NRXN1: variants seen among roughly 807,000 people sequenced by gnomAD.
NRXN1 encodes the protein neurexin 1, also known as neurexin-1.
NRXN1 carries 39 observed loss-of-function variants against 150.9 expected under a neutral mutation model. The observed-to-expected ratio is 0.26, with a 90% CI of 0.20 to 0.34. The LOEUF (loss-of-function observed/expected upper bound fraction) is 0.34, where lower values mean the gene tolerates loss of function less well. NRXN1 is among the 10% of genes least tolerant of loss of function. The probability of loss-of-function intolerance (pLI) is 1.00; values close to 1 mark genes in which losing one functional copy is unlikely to be tolerated. For missense variants in NRXN1, 1,815 were observed against 1,949.9 expected (o/e 0.93, Z 1.30); for synonymous variants, 924 against 757.0 (o/e 1.22, Z -3.62).
Position 50,978,271 on chromosome 2 carries a change from C to CATATATATATATATATATATATAT in NRXN1, c.772+49207_772+49230dup, listed in dbSNP as rs10671122. Among the ~76,000 whole-genome samples the CATATATATATATATATATATATAT allele has an allele frequency of 2.6e-4, 25 of 95,020 alleles. 1 individual carries two copies. The highest frequency in any genetic ancestry group is 4.1e-4 in the Non-Finnish European group (18 of 44,054). 62.3% of individuals were successfully genotyped at this position (95,020 alleles called of 152,430 possible). A position where few individuals can be genotyped will look rare whatever the true frequency, so the allele number is the denominator to read the frequency against. ...CCATACTCTGAATATGGATATTATA[C>CATATATATATATATATATATATAT]ATATATATATATATATATATATATA... On this transcript the variant is annotated intron_variant, in intron 2 of 22. Coordinates refer to ENST00000401669, the MANE Select transcript of NRXN1 (RefSeq NM_001330078.2).
intron 2 of NRXN1, among the ~76,000 whole-genome samples, chr2:50,962,880 T>C (rs751462072): frequency 2.6e-5 from 4 of 151,570 alleles, no homozygotes; most frequent in Non-Finnish European, 5.9e-5. Context: ...ACTGAATATG[T>C]TCCACATGTT....
At chr2:49,924,519 G>T (rs1668752237) in intron 22 of NRXN1, among the ~76,000 whole-genome samples, 1 of 152,082 alleles carries the variant, frequency 6.6e-6, no homozygotes, top group African/African-American at 2.4e-5. Flanking sequence ...TATGCACATA[G>T]CATGATAACA....
intron 5 of NRXN1, among the ~76,000 whole-genome samples, chr2:50,873,437 A>G (rs913064619): frequency 6.6e-6 from 1 of 151,870 alleles, no homozygotes; most frequent in African/African-American, 2.4e-5. Context: ...CAATATAATA[A>G]TAGCATTTCT....
At chr2:50,328,078 A>C (rs930225517) in intron 17 of NRXN1, among the ~76,000 whole-genome samples, 1 of 152,218 alleles carries the variant, frequency 6.6e-6, no homozygotes, top group Admixed American at 6.5e-5. Flanking sequence ...AATACAACAG[A>C]GAGCATCTTG....
intron 18 of NRXN1, among the ~76,000 whole-genome samples, chr2:50,200,693 T>A (rs1251498411): frequency 6.6e-6 from 1 of 152,136 alleles, no homozygotes; most frequent in East Asian, 1.9e-4. Context: ...TCTAGACTGT[T>A]TCTGCAAGAA....
At chr2:50,171,800 G>T (rs367933160) in intron 18 of NRXN1, among the ~76,000 whole-genome samples, 5 of 152,154 alleles carry the variant, frequency 3.3e-5, no homozygotes, top group Admixed American at 3.3e-4. Context: ...TGACATACCC[G>T]CCTGAAGGAA....
intron 10 of NRXN1, among the ~76,000 whole-genome samples, chr2:50,534,473 A>G (rs1317205484): frequency 6.6e-6 from 1 of 152,210 alleles, no homozygotes; most frequent in Non-Finnish European, 1.5e-5. Context: ...CAGTGGTCAA[A>G]GACCAGTGCA....
At chr2:50,093,770 T>A (rs1699880958) in intron 18 of NRXN1, among the ~76,000 whole-genome samples, 1 of 152,196 alleles carries the variant, frequency 6.6e-6, no homozygotes, top group Admixed American at 6.5e-5. Context: ...ATGAGGGAGA[T>A]GCTATTTTAT....
At chr2:50,014,303 T>A (rs939671759) in intron 21 of NRXN1, among the ~76,000 whole-genome samples, 27 of 152,166 alleles carry the variant, frequency 1.8e-4, no homozygotes, top group African/African-American at 5.1e-4. Flanking sequence ...ATGATCATGG[T>A]TAGCACCCAC....
chr2:50,679,986 G>T (rs180974028), intron 5 of NRXN1, among the ~76,000 whole-genome samples: 1 of 151,716 alleles, frequency 6.6e-6, no homozygotes, highest in African/African-American at 2.4e-5. Flanking sequence ...ACAAAAATTA[G>T]CTGGGCATAG....
chr2:50,239,074 T>C (rs950070345), intron 17 of NRXN1, among the ~76,000 whole-genome samples: 3 of 151,822 alleles, frequency 2.0e-5, no homozygotes, highest in Non-Finnish European at 2.9e-5. Context: ...GAGCCACTTA[T>C]GTTCTACATC....
At chr2:50,977,420 A>C (rs1192900409) in intron 2 of NRXN1, among the ~76,000 whole-genome samples, 1 of 151,822 alleles carries the variant, frequency 6.6e-6, no homozygotes, top group African/African-American at 2.4e-5. Flanking sequence ...CATTATATAT[A>C]CTTTTTATGA....
At chr2:50,930,890 T>G (rs1687639885) in intron 2 of NRXN1, among the ~76,000 whole-genome samples, 1 of 152,172 alleles carries the variant, frequency 6.6e-6, no homozygotes, top group African/African-American at 2.4e-5. Context: ...GTGGCTCAGG[T>G]GAGCAGTGCT....
At chr2:50,701,851 T>C (rs1170801030) in intron 5 of NRXN1, among the ~76,000 whole-genome samples, 1 of 152,206 alleles carries the variant, frequency 6.6e-6, no homozygotes, top group African/African-American at 2.4e-5. Flanking sequence ...ATCCCTTTTA[T>C]GTGACTTCCC....
chr2:50,294,404 T>C (rs1439638703), intron 17 of NRXN1, among the ~76,000 whole-genome samples: 3 of 152,204 alleles, frequency 2.0e-5, no homozygotes, highest in Non-Finnish European at 2.9e-5. Flanking sequence ...TTTATGATAC[T>C]TTGTATTCTG....
chr2:50,672,898 T>A (rs1053750183), intron 5 of NRXN1, among the ~76,000 whole-genome samples: 1 of 152,078 alleles, frequency 6.6e-6, no homozygotes, highest in African/African-American at 2.4e-5. Flanking sequence ...CATTTATAAT[T>A]CAAACATATC....
At chr2:50,378,399 GC>G (rs2080688494) in intron 17 of NRXN1, among the ~76,000 whole-genome samples, 1 of 152,114 alleles carries the variant, frequency 6.6e-6, no homozygotes, top group Admixed American at 6.6e-5. Context: ...GAACACAATA[GC>G]TTAGCCTAGC....
chr2:50,466,701 G>A (rs2088903949), intron 16 of NRXN1, among the ~76,000 whole-genome samples: 1 of 151,604 alleles, frequency 6.6e-6, no homozygotes, highest in African/African-American at 2.4e-5. Flanking sequence ...GAATTTAATT[G>A]TACATATGTA....
At chr2:50,593,246 T>A (rs2103837572) in intron 8 of NRXN1, among the ~76,000 whole-genome samples, 1 of 152,328 alleles carries the variant, frequency 6.6e-6, no homozygotes, top group South Asian at 2.1e-4. Flanking sequence ...CACAAGAATA[T>A]GTTTGGAGCA....
Sources: gnomAD v4.1 joint callset for allele counts (sites outside exome capture counted in the v4.1 genomes callset) on GRCh38, gnomAD v4.1.1 for gene constraint, MANE v1.5 for transcripts, NCBI Gene and HGNC (gene_info 2026-07-23, HGNC 2026-07-21) for gene names.